CCNY: variants seen among roughly 807,000 people sequenced by gnomAD.
CCNY encodes cyclin-Y.
CCNY carries 19 observed loss-of-function variants against 42.8 expected under a neutral mutation model. The ratio of observed to expected loss-of-function variants is 0.44; its 90% confidence interval spans 0.31 to 0.65. CCNY has a LOEUF of 0.65. Among genes scored for constraint, CCNY ranks in the 30% least tolerant of loss-of-function variants. CCNY has a pLI of 0.07. For synonymous variants in CCNY, 165 were observed against 162.7 expected (o/e 1.01, Z -0.11); for missense variants, 370 against 437.3 (o/e 0.85, Z 1.37).
chr10:35,331,588 T>C (rs1229319669), upstream of CCNY, among the ~76,000 whole-genome samples: 25 of 152,192 alleles, frequency 1.6e-4, no homozygotes, highest in Admixed American at 1.6e-3. Flanking sequence ...CGTTCCCTCA[T>C]GGTGGCTCCC....
intron 3 of CCNY, 69 bp downstream of exon 3, chr10:35,501,604 G>A (rs1306569191): frequency 1.3e-5 from 18 of 1,333,764 alleles, no homozygotes; most frequent in Non-Finnish European, 1.9e-5. Context: ...ATAACTGTCT[G>A]TGATGGATGA....
intron 3 of CCNY, among the ~76,000 whole-genome samples, chr10:35,275,464 TAAAG>T (rs1475903888): frequency 2.0e-5 from 3 of 151,922 alleles, no homozygotes; most frequent in Admixed American, 6.6e-5. Context: ...TTTTGCCAGC[TAAAG>T]AGTGTGTCCA....
chr10:35,548,329 C>T (rs991486559), intron 7 of CCNY, among the ~76,000 whole-genome samples: 9 of 148,540 alleles, frequency 6.1e-5, no homozygotes, highest in South Asian at 2.1e-4. Context: ...GACGGAATCT[C>T]GCTGTGTCAC....
intron 1 of CCNY, among the ~76,000 whole-genome samples, chr10:35,408,220 T>C (rs1269293927): frequency 2.0e-5 from 3 of 152,194 alleles, no homozygotes; most frequent in Non-Finnish European, 4.4e-5. Flanking sequence ...GGTGGATCTC[T>C]TCACGGAGTG....
At chr10:35,348,686 A>G (rs1836361061) in intron 1 of CCNY, among the ~76,000 whole-genome samples, 1 of 152,240 alleles carries the variant, frequency 6.6e-6, no homozygotes, top group African/African-American at 2.4e-5. Flanking sequence ...AGAGGTCAGC[A>G]GCAGGCAGCC....
intron 1 of CCNY, among the ~76,000 whole-genome samples, chr10:35,407,995 A>G (rs1264585681): frequency 1.3e-5 from 2 of 152,196 alleles, no homozygotes; most frequent in Non-Finnish European, 2.9e-5. Flanking sequence ...TTTTGGGTCA[A>G]TGGATAAAAT....
intron 3 of CCNY, among the ~76,000 whole-genome samples, chr10:35,329,706 G>A (rs767707939): frequency 4.6e-5 from 7 of 152,158 alleles, no homozygotes; most frequent in Non-Finnish European, 1.0e-4. Flanking sequence ...TCAGAGGGAC[G>A]AGGTCACAGG....
intron 7 of CCNY, among the ~76,000 whole-genome samples, chr10:35,533,414 A>T (rs1304342485): frequency 1.3e-5 from 2 of 152,068 alleles, no homozygotes; most frequent in Non-Finnish European, 2.9e-5. Flanking sequence ...TAAGCCTCCC[A>T]TCTCTGCCCA....
intron 1 of CCNY, among the ~76,000 whole-genome samples, chr10:35,432,032 G>A (rs1838423940): frequency 6.6e-6 from 1 of 152,186 alleles, no homozygotes; most frequent in African/African-American, 2.4e-5. Flanking sequence ...AGATAAGGAG[G>A]TCATATTATG....
Position 35,422,475 on chromosome 10 carries a change from G to A in CCNY, c.155-60929G>A, listed in dbSNP as rs549908965. 5.9e-5 allele frequency among the ~76,000 whole-genome samples: 9 copies of A among 152,278 alleles called. No homozygotes were observed. The South Asian group carries it at 1.7e-3, about 28-fold the overall frequency. On this transcript the variant is annotated intron_variant, in intron 1 of 9. Transcript: ENST00000374704. ...CCTGTCTTGTAGTATGAGCTGACTCGTGGGCATTTGAGAAGATTAAATGTG... is the reference window on the plus strand; with the variant it reads ...CCTGTCTTGTAGTATGAGCTGACTCATGGGCATTTGAGAAGATTAAATGTG...
At chr10:35,270,166 T>A (rs560827625) in intron 3 of CCNY, among the ~76,000 whole-genome samples, 1 of 152,008 alleles carries the variant, frequency 6.6e-6, no homozygotes, top group South Asian at 2.1e-4. Context: ...GAGCCCTTAC[T>A]CCAATTGCCC....
At chr10:35,513,841 C>T (rs1483278806) in intron 3 of CCNY, among the ~76,000 whole-genome samples, 1 of 152,156 alleles carries the variant, frequency 6.6e-6, no homozygotes, top group African/African-American at 2.4e-5. Flanking sequence ...CGCACATGTA[C>T]AAGCATACCA....
intron 7 of CCNY, among the ~76,000 whole-genome samples, chr10:35,538,239 G>A (rs1840925763): frequency 6.6e-6 from 1 of 152,090 alleles, no homozygotes; most frequent in East Asian, 1.9e-4. Context: ...TTTGTAGATT[G>A]CCCAGTCTCA....
chr10:35,486,264 G>A (rs1452153584), intron 2 of CCNY, among the ~76,000 whole-genome samples: 2 of 152,086 alleles, frequency 1.3e-5, no homozygotes, highest in African/African-American at 2.4e-5. Flanking sequence ...TCATATTGGC[G>A]GCTTGAAATA....
intron 9 of CCNY, 34 bp downstream of exon 9, chr10:35,566,219 G>A (rs200305911): frequency 1.8e-5 from 29 of 1,596,862 alleles, no homozygotes; most frequent in Non-Finnish European, 2.5e-5. Context: ...TTGTGGTGCA[G>A]TGTTGCCAAT....
intron 1 of CCNY, among the ~76,000 whole-genome samples, chr10:35,430,060 G>A (rs996206906): frequency 3.3e-5 from 5 of 152,038 alleles, no homozygotes; most frequent in African/African-American, 1.2e-4. Context: ...ATGAGATGCC[G>A]GGCGCGGTGG....
At chr10:35,302,072 TCTG>T (rs1835543966) in intron 3 of CCNY, among the ~76,000 whole-genome samples, 1 of 150,644 alleles carries the variant, frequency 6.6e-6, no homozygotes, top group Non-Finnish European at 1.5e-5. Flanking sequence ...CAAGCGATTC[TCTG>T]CCTCAGCCTC....
chr10:35,510,471 C>T (rs1446168486), intron 3 of CCNY, among the ~76,000 whole-genome samples: 3 of 152,186 alleles, frequency 2.0e-5, no homozygotes, highest in African/African-American at 4.8e-5. Flanking sequence ...CCCACTTGGG[C>T]TTCCCAAAGT....
chr10:35,418,946 G>T (rs1372262030), intron 1 of CCNY, among the ~76,000 whole-genome samples: 1 of 151,938 alleles, frequency 6.6e-6, no homozygotes, highest in Middle Eastern at 3.4e-3. Context: ...TCAGCCTCCC[G>T]AGTAGCTGGG....
Sources: allele counts gnomAD v4.1 joint callset (sites outside exome capture counted in the v4.1 genomes callset), GRCh38; gene constraint gnomAD v4.1.1; transcripts MANE v1.5; gene names NCBI Gene and HGNC (gene_info 2026-07-23, HGNC 2026-07-21).